CDC27: variants seen among roughly 807,000 people sequenced by gnomAD.
CDC27 encodes cell division cycle 27.
A neutral mutation model predicts 109.7 loss-of-function variants in CDC27; 27 were observed. That is an observed-to-expected ratio of 0.25 (90% CI 0.18 to 0.34). CDC27 has a LOEUF of 0.34. CDC27 is among the 10% of genes least tolerant of loss of function. The pLI is 1.00. For missense variants in CDC27, 579 were observed against 960.2 expected (o/e 0.60, Z 5.25); for synonymous variants, 266 against 333.9 (o/e 0.80, Z 2.22).
chr17:47,143,878 AT>A lies in CDC27; in HGVS notation c.1170+4del. ...AAATGTGACATACAGAAATCTTTAA[AT>A]TACCTTGGTTGTGGAGCTGTCACTA... On this transcript the variant is annotated splice_donor_region_variant and intron_variant, in intron 10 of 18. Coordinates refer to ENST00000066544, the MANE Select transcript of CDC27 (RefSeq NM_001256.6). 7.2e-7 allele frequency: 1 copy of A among 1,392,242 alleles called. No individual in the cohort carries two copies. Among genetic ancestry groups the A allele is most frequent in the South Asian group, 1.9e-5 (1 of 52,864 alleles). The allele number at this position is 1,392,242 out of a possible 1,614,324, so 86.2% of individuals were successfully genotyped here.
intron 16 of CDC27, among the ~76,000 whole-genome samples, chr17:47,126,767 G>C (rs1473635440): frequency 6.6e-6 from 1 of 152,170 alleles, no homozygotes; most frequent in African/African-American, 2.4e-5. Context: ...AGTTGAAACG[G>C]GCTTATTAGA....
At chr17:47,141,508 C>T (rs186094904) in intron 12 of CDC27, among the ~76,000 whole-genome samples, 491 of 152,128 alleles carry the variant, frequency 3.2e-3, no homozygotes, top group Non-Finnish European at 4.3e-3. Context: ...AAAATTCACC[C>T]CAGTAATTAA....
chr17:47,143,226 A>C (rs1816196566), intron 10 of CDC27, among the ~76,000 whole-genome samples: 1 of 152,166 alleles, frequency 6.6e-6, no homozygotes, highest in South Asian at 2.1e-4. Context: ...GGCCTCCCAA[A>C]GTGCTAGGAT....
At chr17:47,152,241 T>C (rs1160380699) in intron 8 of CDC27, among the ~76,000 whole-genome samples, 1 of 152,150 alleles carries the variant, frequency 6.6e-6, no homozygotes, top group Non-Finnish European at 1.5e-5. Context: ...ATACCTTCTC[T>C]ATTTGGGGTT....
intron 7 of CDC27, among the ~76,000 whole-genome samples, chr17:47,156,141 C>G (rs11570486): frequency 0.011 from 1,705 of 152,080 alleles, 25 homozygotes; most frequent in African/African-American, 0.039. Flanking sequence ...TTAAATTTTC[C>G]TCCAATTTTT....
chr17:47,172,608 A>G (rs1413162920), intron 2 of CDC27, among the ~76,000 whole-genome samples: 1 of 152,214 alleles, frequency 6.6e-6, no homozygotes, highest in East Asian at 1.9e-4. Flanking sequence ...TGCTCACACC[A>G]TTTTAACATT....
intron 15 of CDC27, among the ~76,000 whole-genome samples, chr17:47,130,546 T>C (rs2062292273): frequency 6.6e-6 from 1 of 152,166 alleles, no homozygotes; most frequent in Non-Finnish European, 1.5e-5. Flanking sequence ...ATACTAATAT[T>C]CTGCTATGCT....
intron 9 of CDC27, among the ~76,000 whole-genome samples, chr17:47,147,354 G>A (rs568014212): frequency 1.3e-5 from 2 of 150,896 alleles, no homozygotes; most frequent in African/African-American, 2.4e-5. Context: ...AGTCGAGATC[G>A]CGCCACTGCA....
Position 47,133,106 on chromosome 17 carries a change from C to CATATATATATAT in CDC27, c.1914-744_1914-733dup, listed in dbSNP as rs55717332. 1.9e-4 allele frequency among the ~76,000 whole-genome samples: 19 copies of CATATATATATAT among 98,010 alleles called. No individual in the cohort carries two copies. The South Asian group carries it at 3.0e-3, about 15-fold the overall frequency. The allele number at this position is 98,010 out of a possible 152,430, so 64.3% of individuals were successfully genotyped here. ...ACACAAACACACACACACAAATATACATATATATATATATATATATATATA... is the reference window on the plus strand; with the variant it reads ...ACACAAACACACACACACAAATATACATATATATATATATATATATATATATATATATATATA... On this transcript the variant is annotated intron_variant, in intron 14 of 18. Coordinates refer to ENST00000066544, the MANE Select transcript of CDC27 (RefSeq NM_001256.6).
At chr17:47,175,083 AAG>A (rs2063953927) in intron 2 of CDC27, among the ~76,000 whole-genome samples, 1 of 118,206 alleles carries the variant, frequency 8.5e-6, no homozygotes, top group Non-Finnish European at 1.8e-5. Flanking sequence ...GGAAGGAAGG[AAG>A]GAAGGAAGGA....
chr17:47,122,488 T>C lies in CDC27; in HGVS notation c.2348A>G (p.Tyr783Cys). The change falls in exon 18 of 19, where the codon TAT becomes TGT. Residue 783 changes from tyrosine (Y) to cysteine (C), a missense_variant. Transcript: ENST00000066544. ...NQIKEAIDKR[Y>C]LPDDEEPITQ... is the part of the protein sequence containing the mutation. The stretch of plus-strand genomic sequence containing the variant: ...TATTGGCTCCTCATCATCTGGAAGA[T>C]AACGCTTATCAATTGCCTCTTTAAT... 2 of 1,610,368 alleles carry C rather than the reference T, an allele frequency of 1.2e-6. No individual in the cohort carries two copies. Among genetic ancestry groups the C allele is most frequent in the Non-Finnish European group, 1.7e-6 (2 of 1,177,790 alleles).
At chr17:47,151,671 G>T in intron 9 of CDC27, 135 bp downstream of exon 9, 1 of 609,656 alleles carries the variant, frequency 1.6e-6, no homozygotes, top group South Asian at 2.8e-5. Context: ...TAAGTTAGAG[G>T]TTTCAAATTT....
intron 16 of CDC27, among the ~76,000 whole-genome samples, chr17:47,125,835 C>T (rs1402140309): frequency 1.3e-5 from 2 of 152,302 alleles, no homozygotes; most frequent in African/African-American, 4.8e-5. Flanking sequence ...AGCTGCTGCG[C>T]CTGGCCTTTA....
chr17:47,189,274 C>G lies in CDC27; in HGVS notation c.-102G>C, dbSNP rs541967922. On this transcript the variant is annotated 5_prime_UTR_variant, in exon 1 of 19. Coordinates refer to ENST00000066544, the MANE Select transcript of CDC27 (RefSeq NM_001256.6). ...ATTTAAACTCACCAGCGACCGTTACCGGGGGATGGGGGAGGCCGAGCGATT... is the reference window on the plus strand; with the variant it reads ...ATTTAAACTCACCAGCGACCGTTACGGGGGGATGGGGGAGGCCGAGCGATT... The G allele has an allele frequency of 2.5e-5, 23 of 906,448 alleles. No homozygotes were observed. In the African/African-American group the frequency reaches 3.4e-4, roughly 13 times the overall value. The allele number at this position is 906,448 out of a possible 1,614,324, so 56.2% of individuals were successfully genotyped here.
At chr17:47,142,866 G>A (rs1002804532) in intron 10 of CDC27, among the ~76,000 whole-genome samples, 11 of 152,098 alleles carry the variant, frequency 7.2e-5, no homozygotes, top group African/African-American at 2.7e-4. Context: ...GGAAGAGACT[G>A]GATTTCTCCA....
chr17:47,133,295 C>G (rs1229708913), intron 14 of CDC27, among the ~76,000 whole-genome samples: 2 of 149,304 alleles, frequency 1.3e-5, no homozygotes. Flanking sequence ...TGCACCATCA[C>G]GCCCGGCTAA....
intron 12 of CDC27, among the ~76,000 whole-genome samples, chr17:47,140,129 A>T (rs1231090793): frequency 6.6e-6 from 1 of 152,252 alleles, no homozygotes; most frequent in Non-Finnish European, 1.5e-5. Flanking sequence ...TATGATATAT[A>T]GGAATAGCTT....
intron 16 of CDC27, among the ~76,000 whole-genome samples, chr17:47,128,834 G>A (rs2062230596): frequency 6.7e-6 from 1 of 149,044 alleles, no homozygotes; most frequent in Non-Finnish European, 1.5e-5. Context: ...GCAGTGGTGT[G>A]ATCTTGGCTC....
intron 14 of CDC27, among the ~76,000 whole-genome samples, chr17:47,132,988 C>CATATATAT (rs1158266100): frequency 1.1e-3 from 43 of 40,852 alleles, no homozygotes; most frequent in Non-Finnish European, 1.3e-3. Context: ...TGCCCAGGCG[C>CATATATAT]ATATATATAT....
Sources: gnomAD v4.1 joint callset for allele counts (sites outside exome capture counted in the v4.1 genomes callset) on GRCh38, gnomAD v4.1.1 for gene constraint, MANE v1.5 for transcripts, NCBI Gene and HGNC (gene_info 2026-07-23, HGNC 2026-07-21) for gene names.